Variants in AK5 observed in about 807,000 individuals in gnomAD.
The protein encoded by AK5 is adenylate kinase 5, also known as adenylate kinase isoenzyme 5.
AK5 carries 27 observed loss-of-function variants against 69.5 expected under a neutral mutation model. The observed-to-expected ratio is 0.39, with a 90% confidence interval of 0.29 to 0.54. The LOEUF is 0.54. Among genes scored for constraint, AK5 ranks in the 20% least tolerant of loss-of-function variants. The pLI, the probability that AK5 is intolerant of heterozygous loss-of-function variation, is 0.71. For synonymous variants in AK5, 260 were observed against 244.4 expected, an observed-to-expected ratio of 1.06 and a Z score of -0.60; for missense variants, 531 against 700.4, an observed-to-expected ratio of 0.76 and a Z score of 2.73.
chr1:77,465,834 C>T (rs1214695367), intron 8 of AK5, among the ~76,000 whole-genome samples: 1 of 152,168 alleles, frequency 6.6e-6, no homozygotes, highest in Non-Finnish European at 1.5e-5. Context: ...TAACATCTTA[C>T]ATTTGTACAA....
At chr1:77,356,459 G>A (rs1662531892) in intron 6 of AK5, among the ~76,000 whole-genome samples, 1 of 152,180 alleles carries the variant, frequency 6.6e-6, no homozygotes, top group East Asian at 1.9e-4. Context: ...CAGGGCTGGT[G>A]ATTAAAAACT....
intron 6 of AK5, among the ~76,000 whole-genome samples, chr1:77,401,147 G>A (rs866788405): frequency 1.3e-5 from 2 of 152,028 alleles, no homozygotes; most frequent in African/African-American, 2.4e-5. Flanking sequence ...TAGTCTCAAT[G>A]GTTGTTACTC....
chr1:77,445,407 T>C (rs918910626), intron 8 of AK5, among the ~76,000 whole-genome samples: 11 of 152,168 alleles, frequency 7.2e-5, no homozygotes, highest in Non-Finnish European at 1.5e-4. Context: ...CATGTACCTG[T>C]TGGCCATTTT....
At chr1:77,479,760 G>T (rs1483973864) in intron 8 of AK5, among the ~76,000 whole-genome samples, 5 of 152,114 alleles carry the variant, frequency 3.3e-5, no homozygotes, top group Non-Finnish European at 7.4e-5. Context: ...TGCACACAAA[G>T]CCTAACTCCA....
At chr1:77,435,604 C>T (rs560766806) in intron 8 of AK5, among the ~76,000 whole-genome samples, 11 of 149,926 alleles carry the variant, frequency 7.3e-5, no homozygotes, top group East Asian at 2.0e-4. Context: ...GCCAAGATGG[C>T]GCCAGCACTC....
intron 6 of AK5, among the ~76,000 whole-genome samples, chr1:77,366,869 T>C (rs1557531514): frequency 6.6e-6 from 1 of 151,582 alleles, no homozygotes; most frequent in African/African-American, 2.4e-5. Flanking sequence ...GCTTTTAACT[T>C]ATATATACCT....
At chr1:77,498,651 G>T (rs1656509510) in intron 10 of AK5, among the ~76,000 whole-genome samples, 1 of 152,150 alleles carries the variant, frequency 6.6e-6, no homozygotes, top group South Asian at 2.1e-4. Flanking sequence ...ATGCAGCAGG[G>T]CTCCTAGTGA....
intron 8 of AK5, among the ~76,000 whole-genome samples, chr1:77,427,408 C>A (rs1651285017): frequency 6.6e-6 from 1 of 152,072 alleles, no homozygotes; most frequent in African/African-American, 2.4e-5. Flanking sequence ...TGGACCAATT[C>A]TTTGAAAGAC....
chr1:77,430,289 G>A (rs148672478), intron 8 of AK5, among the ~76,000 whole-genome samples: 140 of 152,286 alleles, frequency 9.2e-4, no homozygotes, highest in African/African-American at 2.8e-3. Context: ...AGGACTTCAT[G>A]TTGGAATGGA....
intron 6 of AK5, among the ~76,000 whole-genome samples, chr1:77,344,748 T>C (rs1332149466): frequency 6.6e-6 from 1 of 152,214 alleles, no homozygotes; most frequent in African/African-American, 2.4e-5. Context: ...TTCTTTTTTT[T>C]AATTTATATT....
At chr1:77,421,789 C>T (rs953690487) in intron 8 of AK5, among the ~76,000 whole-genome samples, 1 of 152,164 alleles carries the variant, frequency 6.6e-6, no homozygotes, top group African/African-American at 2.4e-5. Context: ...CCTTGCTGAA[C>T]TCCTCTCCAT....
intron 2 of AK5, among the ~76,000 whole-genome samples, chr1:77,291,190 A>G (rs1658666039): frequency 2.0e-5 from 3 of 152,218 alleles, no homozygotes; most frequent in Admixed American, 2.0e-4. Flanking sequence ...GCAGAAAGAT[A>G]CTATATGAAA....
chr1:77,445,655 G>T (rs1466717412), intron 8 of AK5, among the ~76,000 whole-genome samples: 1 of 152,180 alleles, frequency 6.6e-6, no homozygotes, highest in Admixed American at 6.5e-5. Flanking sequence ...CATGATCTCA[G>T]CTCACTGCAA....
At chr1:77,467,816 G>A (rs1654232079) in intron 8 of AK5, among the ~76,000 whole-genome samples, 1 of 152,208 alleles carries the variant, frequency 6.6e-6, no homozygotes, top group Admixed American at 6.5e-5. Context: ...ATATCTGAGA[G>A]GACCAGCCCT....
chr1:77,434,334 G>A (rs537005459), intron 8 of AK5, among the ~76,000 whole-genome samples: 56 of 152,012 alleles, frequency 3.7e-4, no homozygotes, highest in Non-Finnish European at 6.0e-4. Flanking sequence ...ATCACTTATC[G>A]TTTGACAATG....
intron 6 of AK5, among the ~76,000 whole-genome samples, chr1:77,366,955 T>A (rs991075143): frequency 6.6e-5 from 10 of 152,060 alleles, no homozygotes; most frequent in Admixed American, 3.9e-4. Context: ...CATTGTTAAA[T>A]GTCAACGGTC....
At position 77,467,311 on chromosome 1, in the gene AK5, T is replaced by C. The variant is rs570599929; in HGVS notation, c.1060-16006T>C. ...AGGCTCCTAGTTTCTCCTTCATGGG[T>C]TTCTGTGAACAGACTCACACAATGA... is the stretch of plus-strand genomic sequence containing the variant. On this transcript the variant is annotated intron_variant, in intron 8 of 13. Transcript: ENST00000354567. Among the ~76,000 whole-genome samples, 10 of 152,304 alleles carry C rather than the reference T, an allele frequency of 6.6e-5. No individual in the cohort carries two copies. In the East Asian group the frequency reaches 1.9e-3, roughly 29 times the overall value.
chr1:77,351,937 T>TG (rs1339001330), intron 6 of AK5, among the ~76,000 whole-genome samples: 1 of 151,102 alleles, frequency 6.6e-6, no homozygotes, highest in Non-Finnish European at 1.5e-5. Context: ...CTTTTTTTTT[T>TG]TTTTTTCTTG....
rs368939567 is a variant in AK5, at chr1:77,536,047, C to T, written c.1620+9C>T. On this transcript the variant is annotated intron_variant, in intron 13 of 13. Coordinates refer to ENST00000354567, the MANE Select transcript of AK5 (RefSeq NM_174858.3). ...AAACACAGCTACACAAGGCGAGTCACTTCACTTTCTCCTCTGAAATGAGCC... is the reference window on the plus strand; with the variant it reads ...AAACACAGCTACACAAGGCGAGTCATTTCACTTTCTCCTCTGAAATGAGCC... 51 of 1,600,680 alleles carry T rather than the reference C, an allele frequency of 3.2e-5. No homozygotes were observed. The highest frequency in any genetic ancestry group is 4.2e-5 in the Non-Finnish European group (49 of 1,174,700).
Sources: allele counts gnomAD v4.1 joint callset (sites outside exome capture counted in the v4.1 genomes callset), GRCh38; gene constraint gnomAD v4.1.1; transcripts MANE v1.5; gene names NCBI Gene and HGNC (gene_info 2026-07-23, HGNC 2026-07-21).